Variants in GDPD4 observed in about 807,000 individuals in gnomAD.
The protein encoded by GDPD4 is glycerophosphodiester phosphodiesterase domain containing 4.
GDPD4 carries 60 observed loss-of-function variants against 67.8 expected under a neutral mutation model. The ratio of observed to expected loss-of-function variants is 0.88; its 90% CI spans 0.72 to 1.10. GDPD4 has a LOEUF of 1.10. GDPD4 is among the 50% of genes least tolerant of loss of function. The pLI is 0.00. For synonymous variants in GDPD4, 212 were observed against 210.9 expected, an observed-to-expected ratio of 1.00 and a Z score of -0.04; for missense variants, 623 against 613.9, an observed-to-expected ratio of 1.01 and a Z score of -0.16.
chr11:77,271,259 A>G (rs372359205), intron 6 of GDPD4, 36 bp from the exon 7 acceptor site: 11 of 1,606,934 alleles, frequency 6.8e-6, no homozygotes, highest in Non-Finnish European at 9.4e-6. Flanking sequence ...GGATACATCT[A>G]GACAGCTAGT....
intron 1 of GDPD4, among the ~76,000 whole-genome samples, chr11:77,288,706 C>T (rs189232354): frequency 2.0e-5 from 3 of 152,160 alleles, no homozygotes; most frequent in Non-Finnish European, 2.9e-5. Context: ...GCAACTGTTA[C>T]AGCAGATGTG....
chr11:77,301,118 T>A (rs1938145354), intron 1 of GDPD4, among the ~76,000 whole-genome samples: 1 of 152,238 alleles, frequency 6.6e-6, no homozygotes, highest in Non-Finnish European at 1.5e-5. Context: ...CGAGAAACAC[T>A]GTTTCCTTCC....
chr11:77,264,898 T>C (rs1396817526), intron 10 of GDPD4, among the ~76,000 whole-genome samples: 1 of 152,162 alleles, frequency 6.6e-6, no homozygotes, highest in African/African-American at 2.4e-5. Flanking sequence ...TCTGAAAAGT[T>C]GCCCTTTTGT....
intron 1 of GDPD4, among the ~76,000 whole-genome samples, chr11:77,296,350 C>A (rs1383131886): frequency 2.1e-5 from 3 of 142,824 alleles, no homozygotes; most frequent in Non-Finnish European, 4.6e-5. Context: ...GACTGAGTTT[C>A]ACTCTTGTTG....
At chr11:77,293,556 T>C (rs896109079) in intron 1 of GDPD4, among the ~76,000 whole-genome samples, 4 of 149,228 alleles carry the variant, frequency 2.7e-5, no homozygotes, top group African/African-American at 7.5e-5. Flanking sequence ...ATCACACCAC[T>C]GCACTCCAGC....
At chr11:77,294,775 A>G (rs1937892980) in intron 1 of GDPD4, among the ~76,000 whole-genome samples, 1 of 152,152 alleles carries the variant, frequency 6.6e-6, no homozygotes, top group Non-Finnish European at 1.5e-5. Context: ...GATAGCGTGG[A>G]ATCAGCAAAA....
At chr11:77,254,456 GT>G (rs1284665950) in intron 11 of GDPD4, among the ~76,000 whole-genome samples, 2 of 152,006 alleles carry the variant, frequency 1.3e-5, no homozygotes, top group East Asian at 3.9e-4. Context: ...ATTAAAATAT[GT>G]TTTTTTATTT....
chr11:77,276,550 T>G (rs1959478695), intron 4 of GDPD4, among the ~76,000 whole-genome samples: 1 of 152,228 alleles, frequency 6.6e-6, no homozygotes, highest in South Asian at 2.1e-4. Context: ...TGCCCATTTC[T>G]TTTCCCTGTG....
intron 16 of GDPD4, among the ~76,000 whole-genome samples, chr11:77,218,816 T>C (rs1192368238): frequency 2.8e-5 from 4 of 141,372 alleles, no homozygotes; most frequent in Non-Finnish European, 6.1e-5. Context: ...TGGTTCCAAG[T>C]CTTTGCTATT....
intron 16 of GDPD4, among the ~76,000 whole-genome samples, chr11:77,226,789 A>G (rs1432751055): frequency 1.3e-5 from 2 of 152,210 alleles, no homozygotes; most frequent in Admixed American, 1.3e-4. Context: ...GCCCTGCCTC[A>G]GACCTGGGTA....
At chr11:77,240,143 C>A (rs751132692) in intron 13 of GDPD4, among the ~76,000 whole-genome samples, 3 of 148,996 alleles carry the variant, frequency 2.0e-5, no homozygotes, top group Non-Finnish European at 4.5e-5. Context: ...AAAAAAAATC[C>A]TTAAATTTGT....
chr11:77,277,679 T>C (rs1370805054), intron 4 of GDPD4, among the ~76,000 whole-genome samples: 3 of 152,174 alleles, frequency 2.0e-5, no homozygotes, highest in Admixed American at 2.0e-4. Context: ...ATCAATTTTG[T>C]TGATCTTTTC....
chr11:77,252,065 G>GTTTTTT (rs71043561), intron 11 of GDPD4, among the ~76,000 whole-genome samples: 1 of 127,432 alleles, frequency 7.8e-6, no homozygotes. Context: ...TTTTTTTTTT[G>GTTTTTT]TTTTTTTTTT....
chr11:77,217,269 C>A lies in GDPD4; in HGVS notation c.*8G>T. On this transcript the variant is annotated 3_prime_UTR_variant, in exon 17 of 17. Coordinates refer to ENST00000315938, the MANE Select transcript of GDPD4 (RefSeq NM_182833.3). ...GGAGGTTTCATGGCTATGTGCAAAT[C>A]TATCTATCTATCTATCTTCCTCATT... The A allele has an allele frequency of 6.4e-7, 1 of 1,556,132 alleles. No homozygotes were observed.
Position 77,216,905 on chromosome 11 carries a change from T to TCAGCCATGGGGATCTCTTAG in GDPD4, c.*352_*371dup. 1 of 692,902 alleles carries TCAGCCATGGGGATCTCTTAG rather than the reference T, an allele frequency of 1.4e-6. No homozygotes were observed. Among genetic ancestry groups the TCAGCCATGGGGATCTCTTAG allele is most frequent in the East Asian group, 2.7e-5 (1 of 37,158 alleles). The allele number at this position is 692,902 out of a possible 1,614,324, so 42.9% of individuals were successfully genotyped here. A position where few individuals can be genotyped will look rare whatever the true frequency, so the allele number is the denominator to read the frequency against. Reference sequence around the variant, plus strand: ...TGTGACATAGGATTATTTGGAGTATTCAGCCATGGGGATCTCTTAGAGGTC... The same window carrying TCAGCCATGGGGATCTCTTAG: ...TGTGACATAGGATTATTTGGAGTATTCAGCCATGGGGATCTCTTAGCAGCCATGGGGATCTCTTAGAGGTC... On this transcript the variant is annotated 3_prime_UTR_variant, in exon 17 of 17. Transcript: ENST00000315938.
chr11:77,218,121 G>T (rs1294980705), intron 16 of GDPD4, among the ~76,000 whole-genome samples: 1 of 151,338 alleles, frequency 6.6e-6, no homozygotes, highest in Non-Finnish European at 1.5e-5. Context: ...AGCTTTATAG[G>T]AGAAAGGGAA....
chr11:77,271,506 A>AT (rs1381711623), intron 5 of GDPD4, 113 bp from the exon 6 acceptor site: 1 of 656,296 alleles, frequency 1.5e-6, no homozygotes. Flanking sequence ...CTGCTTCCTC[A>AT]TTCTTTTACC....
Position 77,287,232 on chromosome 11 carries a change from A to G in GDPD4, c.-65T>C, listed in dbSNP as rs1413531549. The G allele has an allele frequency of 6.6e-6, 1 of 152,238 alleles. No homozygotes were observed. Among genetic ancestry groups the G allele is most frequent in the African/African-American group, 2.4e-5 (1 of 41,448 alleles). The allele number at this position is 152,238 out of a possible 1,614,324, so 9.4% of individuals were successfully genotyped here. ...TCAGTCTGTACCCAAGTGCAGCAACAAAATCCAACTTTAGTTTTTTCCCAT... is the reference window on the plus strand; with the variant it reads ...TCAGTCTGTACCCAAGTGCAGCAACGAAATCCAACTTTAGTTTTTTCCCAT... On this transcript the variant is annotated 5_prime_UTR_variant, in exon 2 of 17. Coordinates refer to ENST00000315938, the MANE Select transcript of GDPD4 (RefSeq NM_182833.3).
chr11:77,271,334 G>A lies in GDPD4; in HGVS notation c.267C>T (p.Phe89=). ...CAGCTACCAGCCACCTTTCTTTCCA[G>A]AATTTGCATATAATGAACATTAAAA... The part of the protein sequence containing the change: ...CVILMFIICK[F]WKERWLVAGL... The change falls in exon 6 of 17, where the codon TTC becomes TTT. Residue 89 remains phenylalanine (F), a synonymous_variant. Coordinates refer to ENST00000315938, the MANE Select transcript of GDPD4 (RefSeq NM_182833.3). The A allele has an allele frequency of 6.2e-7, 1 of 1,613,916 alleles. No homozygotes were observed. Among genetic ancestry groups the A allele is most frequent in the Non-Finnish European group, 8.5e-7 (1 of 1,179,842 alleles).
Sources: gnomAD v4.1 joint callset for allele counts (sites outside exome capture counted in the v4.1 genomes callset) on GRCh38, gnomAD v4.1.1 for gene constraint, MANE v1.5 for transcripts, NCBI Gene and HGNC (gene_info 2026-07-23, HGNC 2026-07-21) for gene names.